The following TTLL8 variants were observed in gnomAD, a reference collection of about 807,000 sequenced individuals.
The protein encoded by TTLL8 is protein monoglycylase TTLL8.
A neutral mutation model predicts 77.8 loss-of-function variants in TTLL8; 65 were observed. The ratio of observed to expected loss-of-function variants is 0.84; its 90% CI spans 0.68 to 1.03. TTLL8 has a LOEUF of 1.03. TTLL8 is among the 50% of genes least tolerant of loss of function. The pLI is 0.00. For missense variants in TTLL8, 910 were observed against 1,004.5 expected (o/e 0.91, Z 1.27); for synonymous variants, 402 against 422.8 (o/e 0.95, Z 0.60).
At chr22:50,021,349 C>G (rs1164151435) in intron 12 of TTLL8, among the ~76,000 whole-genome samples, 1 of 145,450 alleles carries the variant, frequency 6.9e-6, no homozygotes, top group Non-Finnish European at 1.5e-5. Context: ...CTGATATGCA[C>G]TCCTCCATCT....
intron 11 of TTLL8, among the ~76,000 whole-genome samples, chr22:50,031,191 G>T (rs1010732458): frequency 6.6e-6 from 1 of 152,168 alleles, no homozygotes; most frequent in Non-Finnish European, 1.5e-5. Context: ...CCCGAGTTTA[G>T]CCACAGAGAG....
chr22:50,020,640 T>G (rs1357267725), intron 12 of TTLL8, among the ~76,000 whole-genome samples: 1 of 144,854 alleles, frequency 6.9e-6, no homozygotes. Flanking sequence ...TCTGACAACG[T>G]GCACTCCTCC....
chr22:50,035,647 G>A (rs1428300726), intron 8 of TTLL8, among the ~76,000 whole-genome samples: 4 of 152,110 alleles, frequency 2.6e-5, no homozygotes, highest in African/African-American at 7.2e-5. Context: ...AGCCCCCCGC[G>A]CCCCTGAAGC....
At position 50,034,336 on chromosome 22, in the gene TTLL8, C is replaced by T. The variant is rs1002541763; in HGVS notation, c.1039+9G>A. 2 of 1,363,170 alleles carry T rather than the reference C, an allele frequency of 1.5e-6. No individual in the cohort carries two copies. Among genetic ancestry groups the T allele is most frequent in the African/African-American group, 1.5e-5 (1 of 67,802 alleles). The allele number at this position is 1,363,170 out of a possible 1,614,324, so 84.4% of individuals were successfully genotyped here. A position where few individuals can be genotyped will look rare whatever the true frequency, so the allele number is the denominator to read the frequency against. ...GTGGCTATGAACGCGGTGCAGGGAG[C>T]ATCCGCACCAGGGGACTCACCTCGG... On this transcript the variant is annotated intron_variant, in intron 9 of 13. Transcript: ENST00000266182. This position sits in a 1 kb window ranked among gnomAD's most constrained non-coding sequence, Gnocchi z 4.1.
chr22:50,045,372 T>C (rs2061402718), exon 6 of TTLL8: 2 of 1,365,912 alleles, frequency 1.5e-6, no homozygotes, highest in Non-Finnish European at 9.8e-7. Flanking sequence ...CTGGATGCCA[T>C]GGTGCGCCGG....
In TTLL8 at chr22:50,022,527, C is replaced by G. The variant is rs965115998; in HGVS notation, c.2204-5965G>C. Among the ~76,000 whole-genome samples the G allele has an allele frequency of 2.6e-5, 4 of 151,946 alleles. No individual in the cohort carries two copies. The East Asian group carries it at 7.7e-4, about 29-fold the overall frequency. On this transcript the variant is annotated intron_variant, in intron 12 of 13. Transcript: ENST00000266182. ...CATCTGACAATGTGTACTCCTCCATCTGACATGCATTCCTCCATCTGACAA... is the reference window on the plus strand; with the variant it reads ...CATCTGACAATGTGTACTCCTCCATGTGACATGCATTCCTCCATCTGACAA...
intron 11 of TTLL8, among the ~76,000 whole-genome samples, 160 bp from the exon 13 acceptor site, chr22:50,031,085 C>A (rs939543199): frequency 6.6e-6 from 1 of 152,080 alleles, no homozygotes; most frequent in Non-Finnish European, 1.5e-5. Flanking sequence ...CCCCAGGAGG[C>A]CCCCAGGCTC....
In TTLL8 at chr22:50,034,386, A is replaced by C; in HGVS notation, c.998T>G (p.Ile333Arg). ...GCCCCGGGACTTGGCCGCGGGCTTTATAATCCAGATGTTCCGGAGCCCGTC... is the reference window on the plus strand; with the variant it reads ...GCCCCGGGACTTGGCCGCGGGCTTTCTAATCCAGATGTTCCGGAGCCCGTC... The change falls in exon 9 of 14, where the codon ATA becomes AGA. Residue 333 changes from isoleucine (I) to arginine (R), a missense_variant. By Grantham distance (97) the Ile-to-Arg change is moderately conservative (BLOSUM62 -3). This residue lies in a region of TTLL8 where 776 missense variants were observed against 926.1 expected (regional missense o/e 0.84). Transcript: ENST00000266182. The surrounding 1 kb of genome is among the most constrained non-coding windows in gnomAD (Gnocchi z 4.1). 1 of 1,367,186 alleles carries C rather than the reference A, an allele frequency of 7.3e-7. No individual in the cohort carries two copies. Among genetic ancestry groups the C allele is most frequent in the Non-Finnish European group, 9.8e-7 (1 of 1,021,816 alleles). 84.7% of individuals were successfully genotyped at this position (1,367,186 alleles called of 1,614,324 possible).
Position 50,033,121 on chromosome 22 carries a change from C to T in TTLL8, c.1283+81G>A. 4 of 1,259,142 alleles carry T rather than the reference C, an allele frequency of 3.2e-6. No homozygotes were observed. In the Admixed American group the frequency reaches 9.6e-5, roughly 30 times the overall value. The allele number at this position is 1,259,142 out of a possible 1,614,324, so 78.0% of individuals were successfully genotyped here. ...CAGTGAGGGGGCCCTGCCCGTGCTGCTTCTCACTGCGGCTGCTCCAGGCAT... is the reference window on the plus strand; with the variant it reads ...CAGTGAGGGGGCCCTGCCCGTGCTGTTTCTCACTGCGGCTGCTCCAGGCAT... On this transcript the variant is annotated intron_variant, in intron 10 of 13. Coordinates refer to ENST00000266182, the Ensembl canonical transcript of TTLL8.
At chr22:50,018,578 A>G (rs1175074006) in intron 12 of TTLL8, among the ~76,000 whole-genome samples, 3 of 152,262 alleles carry the variant, frequency 2.0e-5, no homozygotes, top group Non-Finnish European at 2.9e-5. Flanking sequence ...CATCAAAGAC[A>G]TTCAAATTCC....
upstream of TTLL8, among the ~76,000 whole-genome samples, chr22:50,057,263 G>T (rs2061476852): frequency 6.7e-6 from 1 of 148,216 alleles, no homozygotes; most frequent in Non-Finnish European, 1.5e-5. Flanking sequence ...TTCTAGGTTG[G>T]GGTCAGGTCT....
At chr22:50,038,822 A>C (rs752897560) in intron 8 of TTLL8, among the ~76,000 whole-genome samples, 1 of 152,218 alleles carries the variant, frequency 6.6e-6, no homozygotes, top group African/African-American at 2.4e-5. Flanking sequence ...TCAAAAAAAA[A>C]AAAGAAGAGT....
At chr22:50,026,011 T>C (rs532300639) in intron 12 of TTLL8, among the ~76,000 whole-genome samples, 7 of 152,300 alleles carry the variant, frequency 4.6e-5, no homozygotes, top group African/African-American at 1.7e-4. Flanking sequence ...CATGACGTAG[T>C]GGTGCCACTC....
intron 4 of TTLL8, chr22:50,046,952 G>A (rs572393780): frequency 8.1e-5 from 40 of 490,924 alleles, no homozygotes; most frequent in African/African-American, 7.1e-4. Context: ...CTGGGGCCCC[G>A]GATTCACCCA....
chr22:50,026,923 G>T (rs2061232859), intron 12 of TTLL8, among the ~76,000 whole-genome samples: 1 of 152,134 alleles, frequency 6.6e-6, no homozygotes, highest in African/African-American at 2.4e-5. Flanking sequence ...CTGGATCATG[G>T]TTGGAAAACT....
chr22:50,057,128 AG>A (rs2061475180), upstream of TTLL8, among the ~76,000 whole-genome samples: 1 of 86,112 alleles, frequency 1.2e-5, no homozygotes, highest in African/African-American at 4.9e-5. Context: ...TGAGGTCTGG[AG>A]TTGGGAGGTC....
At chr22:50,056,667 A>C (rs1018349589), upstream of TTLL8, 8 of 752,408 alleles carry the variant, frequency 1.1e-5, no homozygotes, top group African/African-American at 1.9e-5. The surrounding 1 kb of genome is among the most constrained non-coding windows in gnomAD (Gnocchi z 4.1). Flanking sequence ...ATCGGGGTAC[A>C]GGAGGCAGGA....
rs1016383243 is a variant in TTLL8, at chr22:50,044,317, CA to C, written c.643+937del. On this transcript the variant is annotated intron_variant, in intron 6 of 13. Coordinates refer to ENST00000266182, the Ensembl canonical transcript of TTLL8. The surrounding 1 kb of genome is among the most constrained non-coding windows in gnomAD (Gnocchi z 4.2). ...TGGGTGACAGAGCAAGACTCCATCTCAAAAAAAAAAAAACATTAATTAGGAG... is the reference window on the plus strand; with the variant it reads ...TGGGTGACAGAGCAAGACTCCATCTCAAAAAAAAAAAACATTAATTAGGAG... Among the ~76,000 whole-genome samples, 214 of 131,664 alleles carry C rather than the reference CA, an allele frequency of 1.6e-3. No homozygotes were observed. The highest frequency in any genetic ancestry group is 4.4e-3 in the East Asian group (20 of 4,596). The allele number at this position is 131,664 out of a possible 152,430, so 86.4% of individuals were successfully genotyped here. A position where few individuals can be genotyped will look rare whatever the true frequency, so the allele number is the denominator to read the frequency against.
exon 11 of TTLL8, chr22:50,031,976 C>T (rs370784670): frequency 8.0e-6 from 11 of 1,366,598 alleles, no homozygotes; most frequent in Admixed American, 1.9e-5. Flanking sequence ...CCCCACACGG[C>T]GCCACGGCCC....
Sources: allele counts gnomAD v4.1 joint callset (sites outside exome capture counted in the v4.1 genomes callset), GRCh38; gene constraint gnomAD v4.1.1; regional missense constraint gnomAD v4.1.1; non-coding constraint Gnocchi (gnomAD v3.1); transcripts MANE v1.5; gene names NCBI Gene and HGNC (gene_info 2026-07-23, HGNC 2026-07-21).